Variants in EHBP1 observed in about 807,000 individuals in gnomAD.
The protein encoded by EHBP1 is EH domain binding protein 1.
A neutral mutation model predicts 144.0 loss-of-function variants in EHBP1; 55 were observed. The ratio of observed to expected loss-of-function variants is 0.38; its 90% CI spans 0.31 to 0.48. EHBP1 has a LOEUF of 0.48. EHBP1 is among the 20% of genes least tolerant of loss of function. The pLI is 0.98. For missense variants in EHBP1, 1,200 were observed against 1,364.2 expected (o/e 0.88, Z 1.90); for synonymous variants, 469 against 472.7 (o/e 0.99, Z 0.10).
At chr2:63,023,319 A>G (rs2060836737) in intron 19 of EHBP1, among the ~76,000 whole-genome samples, 1 of 152,218 alleles carries the variant, frequency 6.6e-6, no homozygotes, top group Non-Finnish European at 1.5e-5. Flanking sequence ...AGAGAAACAA[A>G]GATTAATCAA....
intron 15 of EHBP1, chr2:62,988,074 C>A: frequency 8.5e-7 from 1 of 1,182,748 alleles, no homozygotes; most frequent in Non-Finnish European, 1.3e-6. Context: ...TGTCCTGCTG[C>A]ATGGCAAACT....
chr2:62,774,515 A>AT (rs2041919403), intron 5 of EHBP1, among the ~76,000 whole-genome samples: 1 of 152,116 alleles, frequency 6.6e-6, no homozygotes, highest in South Asian at 2.1e-4. Context: ...CTAATGAGAG[A>AT]TTTTTAACCT....
Position 62,948,253 on chromosome 2 carries a change from T to G in EHBP1, c.1414-7T>G. On this transcript the variant is annotated splice_region_variant and splice_polypyrimidine_tract_variant and intron_variant, in intron 12 of 22. Coordinates refer to ENST00000431489, the MANE Select transcript of EHBP1 (RefSeq NM_001142616.3). The stretch of plus-strand genomic sequence containing the variant: ...CAATATATCTTTTGTTTTTCCTTCC[T>G]TTGAAGGCATACGATGGATTTGCCA... The G allele has an allele frequency of 6.5e-7, 1 of 1,538,430 alleles. No individual in the cohort carries two copies. The highest frequency in any genetic ancestry group is 8.7e-7 in the Non-Finnish European group (1 of 1,144,796).
intron 9 of EHBP1, among the ~76,000 whole-genome samples, chr2:62,866,745 C>A (rs1404196708): frequency 1.3e-5 from 2 of 152,200 alleles, no homozygotes; most frequent in East Asian, 3.9e-4. Context: ...GGAACAACTT[C>A]AGTGGCCTAA....
chr2:62,888,111 T>G (rs537779405), intron 10 of EHBP1, among the ~76,000 whole-genome samples: 1 of 152,326 alleles, frequency 6.6e-6, no homozygotes, highest in South Asian at 2.1e-4. Flanking sequence ...GCACATTGTC[T>G]TAGGTTGGAA....
At chr2:62,828,896 T>C (rs1278272640) in intron 6 of EHBP1, among the ~76,000 whole-genome samples, 1 of 152,096 alleles carries the variant, frequency 6.6e-6, no homozygotes, top group Non-Finnish European at 1.5e-5. Context: ...TTTGGGAGCC[T>C]GAGGTGGGAC....
rs561988979 is a variant in EHBP1 at position 62,733,654 on chromosome 2, T to A, written c.105-13741T>A. ...AGTTTCTCTTGAGGGTAGGCCTTAT[T>A]AAGAGGCTTGGGAAAGTATTTCAAA... On this transcript the variant is annotated intron_variant, in intron 2 of 22. Coordinates refer to ENST00000431489, the MANE Select transcript of EHBP1 (RefSeq NM_001142616.3). 2.6e-5 allele frequency among the ~76,000 whole-genome samples: 4 copies of A among 152,356 alleles called. No individual in the cohort carries two copies. The East Asian group carries it at 7.7e-4, about 29-fold the overall frequency.
intron 7 of EHBP1, among the ~76,000 whole-genome samples, chr2:62,836,189 C>G (rs930449126): frequency 6.6e-5 from 10 of 152,024 alleles, no homozygotes; most frequent in African/African-American, 2.4e-4. Flanking sequence ...TGACCCCTGA[C>G]CCCCGAGCAG....
At chr2:62,870,515 G>C (rs1383449369) in intron 9 of EHBP1, among the ~76,000 whole-genome samples, 1 of 151,818 alleles carries the variant, frequency 6.6e-6, no homozygotes, top group East Asian at 1.9e-4. Flanking sequence ...AGGAGTTTGA[G>C]ACCAGCCTGA....
At chr2:62,871,259 A>G (rs2050458237) in intron 9 of EHBP1, among the ~76,000 whole-genome samples, 1 of 152,200 alleles carries the variant, frequency 6.6e-6, no homozygotes. Context: ...GAGACATCTA[A>G]TGTTTGCTTA....
chr2:62,780,886 GT>G (rs1176626205), intron 5 of EHBP1, among the ~76,000 whole-genome samples: 1 of 146,806 alleles, frequency 6.8e-6, no homozygotes, highest in Non-Finnish European at 1.5e-5. Flanking sequence ...GTTTTTCTGA[GT>G]TTTGTCCCTG....
intron 19 of EHBP1, among the ~76,000 whole-genome samples, chr2:63,000,724 A>G (rs1288345776): frequency 1.3e-5 from 2 of 152,060 alleles, no homozygotes; most frequent in African/African-American, 2.4e-5. Context: ...AACAAAAACT[A>G]TATTTCAAGG....
At chr2:62,794,467 A>T (rs2043398057) in intron 5 of EHBP1, among the ~76,000 whole-genome samples, 1 of 152,072 alleles carries the variant, frequency 6.6e-6, no homozygotes, top group African/African-American at 2.4e-5. Flanking sequence ...ACTTTTCTTC[A>T]AACTGAATAT....
chr2:62,854,156 G>T (rs964743809), intron 7 of EHBP1, among the ~76,000 whole-genome samples: 7 of 152,156 alleles, frequency 4.6e-5, no homozygotes, highest in African/African-American at 1.7e-4. Flanking sequence ...ACCTCTCTCA[G>T]CCTTCACAGA....
At chr2:62,702,192 G>A (rs567476901), upstream of EHBP1, among the ~76,000 whole-genome samples, 1 of 152,268 alleles carries the variant, frequency 6.6e-6, no homozygotes, top group South Asian at 2.1e-4. Context: ...GTTTTTGGAT[G>A]CCATTTTCCA....
chr2:62,794,263 C>A (rs1221897747), intron 5 of EHBP1, among the ~76,000 whole-genome samples: 2 of 151,954 alleles, frequency 1.3e-5, no homozygotes, highest in Non-Finnish European at 2.9e-5. Flanking sequence ...AAATTATATT[C>A]CTGGTTTTGA....
At chr2:63,020,979 C>CTTTTTTTTTTT in intron 19 of EHBP1, among the ~76,000 whole-genome samples, 1 of 88,092 alleles carries the variant, frequency 1.1e-5, no homozygotes, top group African/African-American at 4.3e-5. Context: ...TGCCTGGCCT[C>CTTTTTTTTTTT]ATTTTTTTTT....
At chr2:62,749,675 C>G (rs1251346758) in intron 3 of EHBP1, among the ~76,000 whole-genome samples, 1 of 152,208 alleles carries the variant, frequency 6.6e-6, no homozygotes, top group Non-Finnish European at 1.5e-5. Flanking sequence ...GATTGCCATT[C>G]TAACTGGTGT....
At chr2:62,979,115 C>G in intron 14 of EHBP1, 73 bp from the exon 15 acceptor site, 1 of 1,493,700 alleles carries the variant, frequency 6.7e-7, no homozygotes, top group Non-Finnish European at 9.1e-7. Context: ...CAGTTACTAT[C>G]ATGATGATCA....
Sources: gnomAD v4.1 joint callset for allele counts (sites outside exome capture counted in the v4.1 genomes callset) on GRCh38, gnomAD v4.1.1 for gene constraint, MANE v1.5 for transcripts, NCBI Gene and HGNC (gene_info 2026-07-23, HGNC 2026-07-21) for gene names.